TRPM3: variants seen among roughly 807,000 people sequenced by gnomAD.
The protein encoded by TRPM3 is long transient receptor potential channel 3.
TRPM3 carries 77 observed loss-of-function variants against 181.2 expected under a neutral mutation model. The observed-to-expected ratio is 0.42, with a 90% CI of 0.35 to 0.51. The LOEUF (loss-of-function observed/expected upper bound fraction) is 0.51, where lower values mean the gene tolerates loss of function less well. Ranked by LOEUF, TRPM3 falls within the 20% of genes least tolerant of loss-of-function variation. The pLI is 0.01. For synonymous variants in TRPM3, 745 were observed against 796.4 expected, an observed-to-expected ratio of 0.94 and a Z score of 1.09; for missense variants, 1,759 against 2,196.7, an observed-to-expected ratio of 0.80 and a Z score of 3.98.
rs374387711 is a variant in TRPM3 at position 70,837,188 on chromosome 9, A to G, written c.801+5815T>C. 2.7e-3 allele frequency among the ~76,000 whole-genome samples: 408 copies of G among 152,332 alleles called. 2 individuals carry two copies. The highest frequency in any genetic ancestry group is 9.3e-3 in the African/African-American group (388 of 41,580). The stretch of plus-strand genomic sequence containing the variant: ...CACTCCTGGAAAGTTTTCTGAGCTT[A>G]TAATATGAAGTCATATTTGGCTTGC... On this transcript the variant is annotated intron_variant, in intron 5 of 25. Transcript: ENST00000677713.
At chr9:71,301,931 C>G (rs917896099) in intron 1 of TRPM3, among the ~76,000 whole-genome samples, 2 of 152,086 alleles carry the variant, frequency 1.3e-5, no homozygotes, top group African/African-American at 2.4e-5. Context: ...AAGAGGTTGT[C>G]TCCGTAGTTA....
intron 1 of TRPM3, among the ~76,000 whole-genome samples, chr9:71,197,703 C>A (rs1365716690): frequency 6.6e-6 from 1 of 151,762 alleles, no homozygotes; most frequent in Non-Finnish European, 1.5e-5. Context: ...CCTTCGCCCA[C>A]TTTTTGATGG....
chr9:71,119,071 C>T (rs2073064312), intron 1 of TRPM3, among the ~76,000 whole-genome samples: 1 of 152,096 alleles, frequency 6.6e-6, no homozygotes, highest in Non-Finnish European at 1.5e-5. Context: ...GTGGACAATA[C>T]AATTGCTCAT....
intron 1 of TRPM3, among the ~76,000 whole-genome samples, chr9:71,052,889 A>G (rs2060216336): frequency 2.0e-5 from 3 of 152,028 alleles, no homozygotes. Flanking sequence ...ATAATTAATT[A>G]TTCCTCTTTT....
chr9:71,242,545 T>C (rs1588107451), intron 1 of TRPM3, among the ~76,000 whole-genome samples: 2 of 152,338 alleles, frequency 1.3e-5, no homozygotes, highest in Non-Finnish European at 2.9e-5. Context: ...CAATTAGAAC[T>C]TGGCAGAGAA....
At chr9:70,833,664 G>C (rs1333498150) in intron 5 of TRPM3, among the ~76,000 whole-genome samples, 1 of 152,180 alleles carries the variant, frequency 6.6e-6, no homozygotes, top group Non-Finnish European at 1.5e-5. Flanking sequence ...GACCCAGTCT[G>C]ATTGTAAATT....
In TRPM3 at chr9:70,558,116, G is replaced by T. The variant is rs138463837; in HGVS notation, c.3224-4806C>A. On this transcript the variant is annotated intron_variant, in intron 22 of 25. Coordinates refer to ENST00000677713, the MANE Select transcript of TRPM3 (RefSeq NM_001366145.2). Reference sequence around the variant, plus strand: ...AATAAGCATCAGCCTTGGAACTTTTGTTGAAACTAGTATAAAAGAGAAGTT... The same window carrying T: ...AATAAGCATCAGCCTTGGAACTTTTTTTGAAACTAGTATAAAAGAGAAGTT... 1.2e-4 allele frequency among the ~76,000 whole-genome samples: 18 copies of T among 152,236 alleles called. No individual in the cohort carries two copies. The South Asian group carries it at 2.9e-3, about 25-fold the overall frequency.
At chr9:71,032,892 A>G (rs2057712377) in intron 1 of TRPM3, among the ~76,000 whole-genome samples, 1 of 152,170 alleles carries the variant, frequency 6.6e-6, no homozygotes, top group African/African-American at 2.4e-5. Flanking sequence ...ATTACACTCT[A>G]TTATTTCCTG....
intron 1 of TRPM3, among the ~76,000 whole-genome samples, chr9:71,020,119 G>A (rs2097831089): frequency 6.6e-6 from 1 of 151,682 alleles, no homozygotes; most frequent in African/African-American, 2.4e-5. Context: ...AATCTTGGGA[G>A]AGTAAGATAT....
Position 70,843,275 on chromosome 9 carries a change from A to G in TRPM3, c.677-148T>C, listed in dbSNP as rs898253376. On this transcript the variant is annotated intron_variant, in intron 4 of 25. Coordinates refer to ENST00000677713, the MANE Select transcript of TRPM3 (RefSeq NM_001366145.2). ...ATTTCTATACAAACTACTTGTATTT[A>G]GGAGAAAACATAAACTCATGGCTGT... 5 of 819,502 alleles carry G rather than the reference A, an allele frequency of 6.1e-6. No homozygotes were observed. The African/African-American group carries it at 8.7e-5, about 14-fold the overall frequency. The allele number at this position is 819,502 out of a possible 1,614,324, so 50.8% of individuals were successfully genotyped here. A position where few individuals can be genotyped will look rare whatever the true frequency, so the allele number is the denominator to read the frequency against.
intron 1 of TRPM3, among the ~76,000 whole-genome samples, chr9:71,426,576 T>C (rs1468256550): frequency 2.0e-5 from 3 of 152,134 alleles, no homozygotes; most frequent in Non-Finnish European, 4.4e-5. Flanking sequence ...TTGGTTTAAT[T>C]GCACATGGCC....
intron 3 of TRPM3, among the ~76,000 whole-genome samples, chr9:70,846,912 T>A (rs901222303): frequency 5.3e-5 from 8 of 152,238 alleles, no homozygotes; most frequent in African/African-American, 1.9e-4. Flanking sequence ...CCTTTACATG[T>A]GTACAACAGT....
intron 1 of TRPM3, among the ~76,000 whole-genome samples, chr9:71,150,728 A>G (rs569730151): frequency 1.3e-5 from 2 of 152,254 alleles, no homozygotes; most frequent in Admixed American, 1.3e-4. Context: ...CTATCACAAC[A>G]TATTTCTTAG....
intron 1 of TRPM3, among the ~76,000 whole-genome samples, chr9:70,954,792 C>T (rs746462290): frequency 6.7e-6 from 1 of 149,978 alleles, no homozygotes; most frequent in Non-Finnish European, 1.5e-5. Context: ...CATACATCCT[C>T]GGGGAGAAGG....
Position 71,406,003 on chromosome 9 carries a change from C to T in TRPM3, c.183+40650G>A, listed in dbSNP as rs531253999. ...ACAATAAAAAATTGGTGGCTGGGCA[C>T]GGTGGCTCACACCTGTAATCCCAGC... On this transcript the variant is annotated intron_variant, in intron 1 of 24. Transcript: ENST00000357533. Among the ~76,000 whole-genome samples, 17 of 152,166 alleles carry T rather than the reference C, an allele frequency of 1.1e-4. 1 individual carries two copies. The South Asian group carries it at 2.9e-3, about 26-fold the overall frequency.
Position 70,655,796 on chromosome 9 carries a change from C to A in TRPM3, c.1346-15136G>T, listed in dbSNP as rs73647110. On this transcript the variant is annotated intron_variant, in intron 9 of 25. Coordinates refer to ENST00000677713, the MANE Select transcript of TRPM3 (RefSeq NM_001366145.2). ...AAATTTAAAGCTATGTAGCTGATAA[C>A]TGCTTAGGTTACTGAAAGAGTTATA... Among the ~76,000 whole-genome samples the A allele has an allele frequency of 2.0e-3, 297 of 152,242 alleles. 1 individual carries two copies. The highest frequency in any genetic ancestry group is 6.7e-3 in the African/African-American group (278 of 41,544).
chr9:70,928,477 G>A (rs1457688835), intron 1 of TRPM3, among the ~76,000 whole-genome samples: 1 of 152,090 alleles, frequency 6.6e-6, no homozygotes, highest in Non-Finnish European at 1.5e-5. Context: ...TCTAAATGTT[G>A]AGCACAGCCA....
At chr9:70,633,515 C>A (rs894171810) in intron 12 of TRPM3, among the ~76,000 whole-genome samples, 1 of 152,142 alleles carries the variant, frequency 6.6e-6, no homozygotes, top group East Asian at 1.9e-4. Context: ...AAACTACAGG[C>A]TTCACCCACT....
chr9:70,988,460 C>T (rs2097443440), intron 1 of TRPM3, among the ~76,000 whole-genome samples: 1 of 152,100 alleles, frequency 6.6e-6, no homozygotes, highest in Admixed American at 6.5e-5. Flanking sequence ...AAACCTAAGA[C>T]AGTTAGTTCC....
Sources: gnomAD v4.1 joint callset for allele counts (sites outside exome capture counted in the v4.1 genomes callset) on GRCh38, gnomAD v4.1.1 for gene constraint, MANE v1.5 for transcripts, NCBI Gene and HGNC (gene_info 2026-07-23, HGNC 2026-07-21) for gene names.